Variants in LRPPRC observed in about 807,000 individuals in gnomAD.
The protein encoded by LRPPRC is leucine rich pentatricopeptide repeat containing, also known as leucine-rich PPR motif-containing protein, mitochondrial.
Under a neutral mutation model 180.3 loss-of-function variants are expected in LRPPRC, and 120 were observed. The observed-to-expected ratio is 0.67, with a 90% CI of 0.57 to 0.77. LRPPRC has a LOEUF of 0.77. Ranked by LOEUF, LRPPRC falls within the 30% of genes least tolerant of loss-of-function variation. The probability of loss-of-function intolerance (pLI) is 0.00; values close to 1 mark genes in which losing one functional copy is unlikely to be tolerated. For synonymous variants in LRPPRC, 723 were observed against 600.0 expected, an observed-to-expected ratio of 1.21 and a Z score of -3.00; for missense variants, 2,012 against 1,657.2, an observed-to-expected ratio of 1.21 and a Z score of -3.72.
At chr2:43,975,435 A>G (rs1217501839) in intron 6 of LRPPRC, among the ~76,000 whole-genome samples, 2 of 152,206 alleles carry the variant, frequency 1.3e-5, no homozygotes, top group Non-Finnish European at 2.9e-5. Flanking sequence ...ATAATTACAT[A>G]GACATTAAAT....
At chr2:43,933,921 A>G (rs1397816734) in intron 25 of LRPPRC, among the ~76,000 whole-genome samples, 1 of 152,170 alleles carries the variant, frequency 6.6e-6, no homozygotes, top group Non-Finnish European at 1.5e-5. Context: ...CCACAATCCA[A>G]GATTTAATAT....
intron 25 of LRPPRC, among the ~76,000 whole-genome samples, chr2:43,928,960 C>G (rs1434995014): frequency 2.6e-5 from 4 of 152,222 alleles, no homozygotes; most frequent in African/African-American, 9.6e-5. Context: ...AGTCGATTAA[C>G]ACATATTCTG....
intron 23 of LRPPRC, among the ~76,000 whole-genome samples, chr2:43,936,182 G>A (rs1044733920): frequency 1.3e-5 from 2 of 152,158 alleles, no homozygotes; most frequent in Non-Finnish European, 2.9e-5. Flanking sequence ...TGAAACTGGG[G>A]CATCTAGAGA....
chr2:43,922,966 C>A (rs1671749895), intron 27 of LRPPRC, among the ~76,000 whole-genome samples: 1 of 152,126 alleles, frequency 6.6e-6, no homozygotes, highest in Admixed American at 6.6e-5. Flanking sequence ...TAGGATTCCA[C>A]TGGCTTCCAG....
chr2:43,948,363 A>G (rs761252190), intron 17 of LRPPRC, 49 bp downstream of exon 17: 1 of 1,148,556 alleles, frequency 8.7e-7, no homozygotes, highest in East Asian at 2.3e-5. Flanking sequence ...AATCTAATAG[A>G]TACATGTCAG....
chr2:43,975,563 T>G (rs1355749176), intron 6 of LRPPRC, among the ~76,000 whole-genome samples: 1 of 151,916 alleles, frequency 6.6e-6, no homozygotes, highest in East Asian at 1.9e-4. Context: ...TTACTTCAGA[T>G]CAGATCAAGC....
rs754352903 is a variant in LRPPRC at position 43,945,374 on chromosome 2, C to T, written c.2254G>A (p.Val752Ile). 3 of 1,612,654 alleles carry T rather than the reference C, an allele frequency of 1.9e-6. No individual in the cohort carries two copies. The highest frequency in any genetic ancestry group is 2.7e-5 in the African/African-American group (2 of 74,988). ...TTTGCCAATACTCTTACAAGGCCTACATACTTGCCGGTGTCAAGGACAGCA... is the reference window on the plus strand; with the variant it reads ...TTTGCCAATACTCTTACAAGGCCTATATACTTGCCGGTGTCAAGGACAGCA... ...SSAVLDTGKY[V>I]GLVRVLAKHG... Residue 752 changes from valine to isoleucine, a missense_variant, in exon 22 of 38, where the codon GTA becomes ATA. By Grantham distance (29) the Val-to-Ile change is conservative. Coordinates refer to ENST00000260665, the MANE Select transcript of LRPPRC (RefSeq NM_133259.4).
intron 7 of LRPPRC, 58 bp downstream of exon 7, chr2:43,975,033 C>T: frequency 6.4e-7 from 1 of 1,570,394 alleles, no homozygotes. Context: ...TCATGTAAAA[C>T]ATAACACAAA....
chr2:43,974,007 C>G (rs989274063), intron 9 of LRPPRC, 107 bp from the exon 10 acceptor site: 1 of 1,128,104 alleles, frequency 8.9e-7, no homozygotes, highest in Non-Finnish European at 1.4e-6. Context: ...ACCCCGCATC[C>G]TCTTTCTACC....
At chr2:43,983,281 G>C (rs893403262) in intron 1 of LRPPRC, among the ~76,000 whole-genome samples, 7 of 151,878 alleles carry the variant, frequency 4.6e-5, no homozygotes, top group Admixed American at 3.3e-4. Flanking sequence ...AAATCTGAGG[G>C]CTTCTAGGCT....
upstream of LRPPRC, chr2:43,996,112 A>C (rs1418967975): frequency 8.5e-6 from 5 of 589,646 alleles, no homozygotes; most frequent in Non-Finnish European, 1.5e-5. Context: ...CACTTCTCCG[A>C]GGACAGAAGA....
chr2:43,945,134 A>G (rs577574595), intron 22 of LRPPRC, among the ~76,000 whole-genome samples, 198 bp downstream of exon 22: 1 of 152,152 alleles, frequency 6.6e-6, no homozygotes, highest in East Asian at 1.9e-4. Flanking sequence ...AGCTGTGCAA[A>G]TGTAAATGAC....
intron 11 of LRPPRC, among the ~76,000 whole-genome samples, chr2:43,966,861 G>T (rs1375871068): frequency 2.6e-5 from 4 of 151,622 alleles, no homozygotes; most frequent in Admixed American, 2.6e-4. Context: ...GACCAGCCTG[G>T]CCAACATGGC....
At chr2:43,991,696 T>C (rs956525430) in intron 1 of LRPPRC, among the ~76,000 whole-genome samples, 5 of 152,170 alleles carry the variant, frequency 3.3e-5, no homozygotes, top group Non-Finnish European at 7.3e-5. Flanking sequence ...ATAGATGTAC[T>C]GAGATGGGAA....
intron 23 of LRPPRC, among the ~76,000 whole-genome samples, chr2:43,942,180 A>G (rs1672506410): frequency 6.6e-6 from 1 of 152,152 alleles, no homozygotes; most frequent in African/African-American, 2.4e-5. Flanking sequence ...TTCTATTTGT[A>G]AGATACTTTT....
At chr2:43,974,037 G>A (rs1245846626) in intron 9 of LRPPRC, 113 bp downstream of exon 9, 14 of 1,247,134 alleles carry the variant, frequency 1.1e-5, no homozygotes, top group Non-Finnish European at 1.7e-5. Context: ...TGCAACACAA[G>A]AACATTGTTA....
At chr2:43,963,516 G>A in intron 12 of LRPPRC, 72 bp downstream of exon 12, 1 of 951,720 alleles carries the variant, frequency 1.1e-6, no homozygotes, top group Non-Finnish European at 1.7e-6. Flanking sequence ...ACTTTTTTGT[G>A]TGTCAACACT....
chr2:43,976,250 T>C (rs1367851827), intron 5 of LRPPRC, 21 bp from the exon 6 acceptor site: 13 of 1,341,702 alleles, frequency 9.7e-6, no homozygotes, highest in Non-Finnish European at 1.3e-5. Context: ...AAAACGAAGA[T>C]ACTCATTGAA....
chr2:43,972,459 T>C lies in LRPPRC; in HGVS notation c.1369+1148A>G, dbSNP rs60331490. On this transcript the variant is annotated intron_variant, in intron 11 of 37. Transcript: ENST00000260665. ...CCTGATGAACAAACATTTCAACTGG[T>C]ACCAAAAAAATTTTCATACTTGTGT... 4.9e-3 allele frequency among the ~76,000 whole-genome samples: 751 copies of C among 152,308 alleles called. 8 individuals are homozygous for C. The highest frequency in any genetic ancestry group is 0.015 in the African/African-American group (644 of 41,566).
Sources: allele counts gnomAD v4.1 joint callset (sites outside exome capture counted in the v4.1 genomes callset), GRCh38; gene constraint gnomAD v4.1.1; transcripts MANE v1.5; gene names NCBI Gene and HGNC (gene_info 2026-07-23, HGNC 2026-07-21).